MIB2: variants seen among roughly 807,000 people sequenced by gnomAD.
MIB2 encodes the protein MIB E3 ubiquitin protein ligase 2, also known as E3 ubiquitin-protein ligase MIB2.
Under a neutral mutation model 96.6 loss-of-function variants are expected in MIB2, and 78 were observed. The observed-to-expected ratio is 0.81, with a 90% confidence interval of 0.67 to 0.97. MIB2 has a LOEUF of 0.97. MIB2 is among the 50% of genes least tolerant of loss of function. MIB2 has a pLI of 0.00. For missense variants in MIB2, 1,543 were observed against 1,424.0 expected (o/e 1.08, Z -1.35); for synonymous variants, 820 against 629.5 (o/e 1.30, Z -4.53).
At chr1:1,615,460 A>T (rs769673240), upstream of MIB2, 7 of 1,513,384 alleles carry the variant, frequency 4.6e-6, no homozygotes, top group South Asian at 1.2e-5. Flanking sequence ...GGGCGTGGCC[A>T]TGGCGGGGGC....
In MIB2 at chr1:1,625,922, C is replaced by G; in HGVS notation, c.972+269C>G. 1 of 536,876 alleles carries G rather than the reference C, an allele frequency of 1.9e-6. No individual in the cohort carries two copies. The highest frequency in any genetic ancestry group is 2.4e-5 in the South Asian group (1 of 41,844). The allele number at this position is 536,876 out of a possible 1,614,324, so 33.3% of individuals were successfully genotyped here. ...CCTCTGTTCCAGGACACCAGGAAGG[C>G]AGGACAGCTTCGTGGGCGGGAGGGA... On this transcript the variant is annotated intron_variant, in intron 8 of 19. Transcript: ENST00000355826. This position sits in a 1 kb window ranked among gnomAD's most constrained non-coding sequence, Gnocchi z 5.0.
chr1:1,615,712 G>A (rs562644000), intron 1 of MIB2, 79 bp downstream of exon 1: 2 of 1,499,876 alleles, frequency 1.3e-6, no homozygotes, highest in East Asian at 2.7e-5. Flanking sequence ...GAACGCGAGC[G>A]CCGTCCGGTT....
In MIB2 at chr1:1,625,274, C is replaced by CA; in HGVS notation, c.722-11dup. 6.3e-7 allele frequency: 1 copy of CA among 1,594,232 alleles called. No homozygotes were observed. Among genetic ancestry groups the CA allele is most frequent in the South Asian group, 1.1e-5 (1 of 89,470 alleles). On this transcript the variant is annotated splice_polypyrimidine_tract_variant and intron_variant, in intron 6 of 19. Transcript: ENST00000355826. The surrounding 1 kb of genome is among the most constrained non-coding windows in gnomAD (Gnocchi z 5.0). ...GGCCGCTGCCTGAGGCCTGGTCTGCCACCCTCCGCAGGCAAGCCGGCGGAG... is the reference window on the plus strand; with the variant it reads ...GGCCGCTGCCTGAGGCCTGGTCTGCCAACCCTCCGCAGGCAAGCCGGCGGAG...
chr1:1,620,634 C>G (rs544322280), intron 2 of MIB2, among the ~76,000 whole-genome samples: 1 of 152,368 alleles, frequency 6.6e-6, no homozygotes, highest in Non-Finnish European at 1.5e-5. Context: ...CGTCGGCCTC[C>G]CCGGCCTGTG....
At chr1:1,615,461 T>A, upstream of MIB2, 1 of 1,515,646 alleles carries the variant, frequency 6.6e-7, no homozygotes. Context: ...GGCGTGGCCA[T>A]GGCGGGGGCG....
In MIB2 at chr1:1,627,833, AG is replaced by A. The variant is rs1455934032; in HGVS notation, c.1680+5del. On this transcript the variant is annotated splice_donor_5th_base_variant and intron_variant, in intron 13 of 19. Coordinates refer to ENST00000355826, the MANE Select transcript of MIB2 (RefSeq NM_001170687.4). ...CGGCTGTGACGTCAACCTGCCCGTG[AG>A]TGCTGCTCCCTGGCCTGGGTGCCCC... 6.3e-7 allele frequency: 1 copy of A among 1,592,668 alleles called. No homozygotes were observed. The highest frequency in any genetic ancestry group is 8.5e-7 in the Non-Finnish European group (1 of 1,179,168).
intron 12 of MIB2, 33 bp downstream of exon 12, chr1:1,627,477 T>G (rs1557606567): frequency 6.3e-7 from 1 of 1,575,110 alleles, no homozygotes; most frequent in Non-Finnish European, 8.6e-7. Flanking sequence ...CCGGCGGGGC[T>G]GAGCCTGTGC....
rs774899672 is a variant in MIB2 at position 1,626,884 on chromosome 1, C to T, written c.1125C>T (p.Asn375=). 8 of 1,606,124 alleles carry T rather than the reference C, an allele frequency of 5.0e-6. No individual in the cohort carries two copies. The highest frequency in any genetic ancestry group is 1.7e-5 in the Admixed American group (1 of 59,956). The stretch of plus-strand genomic sequence containing the variant: ...TGGTGAAAGTGTTTGGAGACGGGAA[C>T]CTGCGTGTAGCAGTCGCTGGTCAGC... ...GKVVKVFGDG[N]LRVAVAGQRW... is the part of the protein sequence containing the mutation. The change falls in exon 10 of 20, where the codon AAC becomes AAT. Residue 375 remains asparagine, a synonymous_variant. Transcript: ENST00000355826. The surrounding 1 kb of genome is among the most constrained non-coding windows in gnomAD (Gnocchi z 5.3).
Position 1,626,141 on chromosome 1 carries a change from G to A in MIB2, c.972+488G>A, listed in dbSNP as rs144708587. On this transcript the variant is annotated intron_variant, in intron 8 of 19. Coordinates refer to ENST00000355826, the MANE Select transcript of MIB2 (RefSeq NM_001170687.4). The surrounding 1 kb of genome is among the most constrained non-coding windows in gnomAD (Gnocchi z 5.3). ...GGATGGCCCTGGGAGGGGCAGGCCC[G>A]GGGCAAAGCGTCAGAGCTCAGCTCT... The A allele has an allele frequency of 4.6e-3, 915 of 198,906 alleles. 12 individuals carry two copies. The highest frequency in any genetic ancestry group is 0.02 in the African/African-American group (860 of 42,846). 12.3% of individuals were successfully genotyped at this position (198,906 alleles called of 1,614,324 possible).
chr1:1,628,218 T>G lies in MIB2; in HGVS notation c.1841+39T>G, dbSNP rs372139879. 5.0e-5 allele frequency: 81 copies of G among 1,612,116 alleles called. No homozygotes were observed. The African/African-American group carries it at 1.0e-3, about 20-fold the overall frequency. On this transcript the variant is annotated intron_variant, in intron 14 of 19. Coordinates refer to ENST00000355826, the MANE Select transcript of MIB2 (RefSeq NM_001170687.4). ...GGGCACACAGCTGCAGCCGGCCTCT[T>G]GCTGTGCTGCCTGGGGGCAGTCCCA...
chr1:1,623,469 A>T lies in MIB2; in HGVS notation c.17A>T (p.Gln6Leu). The change falls in exon 3 of 20, where the codon CAG becomes CTG. Residue 6 changes from glutamine (Q) to leucine (L), a missense_variant. Coordinates refer to ENST00000355826, the MANE Select transcript of MIB2 (RefSeq NM_001170687.4). ...CCGCCCAACATGGACCCAGACCCCC[A>T]GGCGGGCGTGCAGGTGGGCATGCGG... MDPDP[Q>L]AGVQVGMRVV... The T allele has an allele frequency of 6.3e-7, 1 of 1,594,264 alleles. No individual in the cohort carries two copies. The highest frequency in any genetic ancestry group is 8.5e-7 in the Non-Finnish European group (1 of 1,172,154).
rs1454882122 is a variant in MIB2 at position 1,627,733 on chromosome 1, C to T, written c.1584C>T (p.Asn528=). The part of the protein sequence containing the change: ...LSAGCRADAI[N]STQSTALHVA... ...CTGGGTGCCGGGCGGACGCCATCAA[C>T]AGCACCCAGAGCACAGCACTGCACG... The change falls in exon 13 of 20, where the codon AAC becomes AAT. Residue 528 remains asparagine, a synonymous_variant. Coordinates refer to ENST00000355826, the MANE Select transcript of MIB2 (RefSeq NM_001170687.4). 6.3e-7 allele frequency: 1 copy of T among 1,596,098 alleles called. No homozygotes were observed. The highest frequency in any genetic ancestry group is 8.5e-7 in the Non-Finnish European group (1 of 1,178,798).
At chr1:1,628,216 C>G in intron 14 of MIB2, 37 bp downstream of exon 14, 1 of 1,612,350 alleles carries the variant, frequency 6.2e-7, no homozygotes, top group Non-Finnish European at 8.5e-7. Context: ...CAGCCGGCCT[C>G]TTGCTGTGCT....
chr1:1,624,126 GCT>G, intron 4 of MIB2, 181 bp downstream of exon 4: 3 of 726,392 alleles, frequency 4.1e-6, no homozygotes, highest in Admixed American at 6.1e-5. Context: ...CCTCTGGGTG[GCT>G]CTACAGGCAG....
chr1:1,626,540 C>A lies in MIB2; in HGVS notation c.973-110C>A. ...CTGGGGTCGGGGTCGGGGCCGGGGCCGAGTCAGGCCTGCCTGTCTCGTGGA... is the reference window on the plus strand; with the variant it reads ...CTGGGGTCGGGGTCGGGGCCGGGGCAGAGTCAGGCCTGCCTGTCTCGTGGA... On this transcript the variant is annotated intron_variant, in intron 8 of 19. Coordinates refer to ENST00000355826, the MANE Select transcript of MIB2 (RefSeq NM_001170687.4). The surrounding 1 kb of genome is among the most constrained non-coding windows in gnomAD (Gnocchi z 5.3). 2.1e-6 allele frequency: 2 copies of A among 963,246 alleles called. No homozygotes were observed. Among genetic ancestry groups the A allele is most frequent in the South Asian group, 1.7e-5 (1 of 57,982 alleles). The allele number at this position is 963,246 out of a possible 1,614,324, so 59.7% of individuals were successfully genotyped here. A position where few individuals can be genotyped will look rare whatever the true frequency, so the allele number is the denominator to read the frequency against.
Position 1,629,731 on chromosome 1 carries a change from C to G in MIB2, c.2629+27C>G, listed in dbSNP as rs1413960527. 4 of 1,560,806 alleles carry G rather than the reference C, an allele frequency of 2.6e-6. No homozygotes were observed. The South Asian group carries it at 4.8e-5, about 19-fold the overall frequency. On this transcript the variant is annotated intron_variant, in intron 19 of 19. Transcript: ENST00000355826. Reference sequence around the variant, plus strand: ...TGGGTGAGGCTCTGCGCCCCCAACACGCCTCCTGCTCAGCTGGTGGCCCGC... The same window carrying G: ...TGGGTGAGGCTCTGCGCCCCCAACAGGCCTCCTGCTCAGCTGGTGGCCCGC...
chr1:1,627,882 G>A, intron 13 of MIB2, 53 bp downstream of exon 13: 3 of 1,595,444 alleles, frequency 1.9e-6, no homozygotes, highest in Admixed American at 3.4e-5. Flanking sequence ...GCTTGTCCCT[G>A]GCCTGGGTTC....
rs1449487511 is a variant in MIB2, at chr1:1,626,502, C to A, written c.973-148C>A. ...ACCTGGGGCTCTCGTCCAGCCAGAGCCTCTGGCAGTGCCTGGGGTCGGGGT... is the reference window on the plus strand; with the variant it reads ...ACCTGGGGCTCTCGTCCAGCCAGAGACTCTGGCAGTGCCTGGGGTCGGGGT... On this transcript the variant is annotated intron_variant, in intron 8 of 19. Coordinates refer to ENST00000355826, the MANE Select transcript of MIB2 (RefSeq NM_001170687.4). This position sits in a 1 kb window ranked among gnomAD's most constrained non-coding sequence, Gnocchi z 5.3. 3.0e-6 allele frequency: 2 copies of A among 659,160 alleles called. No individual in the cohort carries two copies. Among genetic ancestry groups the A allele is most frequent in the Non-Finnish European group, 2.5e-6 (1 of 392,758 alleles). 40.8% of individuals were successfully genotyped at this position (659,160 alleles called of 1,614,324 possible). A position where few individuals can be genotyped will look rare whatever the true frequency, so the allele number is the denominator to read the frequency against.
Position 1,628,168 on chromosome 1 carries a change from G to C in MIB2, c.1830G>C (p.Lys610Asn). ...CCCTGCTGCACCATGCCTCCCTCAA[G>C]GGTCACGCGCTGTGAGTGTGGGGTG... ...GFTLLHHASL[K>N]GHALAVRKIL... Residue 610 changes from lysine to asparagine, a missense_variant, in exon 14 of 20, where the codon AAG becomes AAC. By Grantham distance (94) the Lys-to-Asn change is moderately conservative. Coordinates refer to ENST00000355826, the MANE Select transcript of MIB2 (RefSeq NM_001170687.4). The C allele has an allele frequency of 6.2e-7, 1 of 1,613,338 alleles. No individual in the cohort carries two copies. The highest frequency in any genetic ancestry group is 8.5e-7 in the Non-Finnish European group (1 of 1,180,004).
Sources: gnomAD v4.1 joint callset for allele counts (sites outside exome capture counted in the v4.1 genomes callset) on GRCh38, gnomAD v4.1.1 for gene constraint, Gnocchi (gnomAD v3.1) non-coding constraint, MANE v1.5 for transcripts, NCBI Gene and HGNC (gene_info 2026-07-23, HGNC 2026-07-21) for gene names.